RBFOX1: variants seen among roughly 807,000 people sequenced by gnomAD.
RBFOX1 encodes RNA binding fox-1 homolog 1, also known as RNA binding protein fox-1 homolog 1.
Under a neutral mutation model 57.7 loss-of-function variants are expected in RBFOX1, and 8 were observed. That is an observed-to-expected ratio of 0.14 (90% CI 0.08 to 0.25). The LOEUF (loss-of-function observed/expected upper bound fraction) is 0.25. Among genes scored for constraint, RBFOX1 ranks in the 10% least tolerant of loss-of-function variants. RBFOX1 has a pLI of 1.00. For missense variants in RBFOX1, 611 were observed against 548.5 expected (o/e 1.11, Z -1.14); for synonymous variants, 326 against 222.4 (o/e 1.47, Z -4.15).
intron 3 of RBFOX1, among the ~76,000 whole-genome samples, chr16:6,838,936 ATTTT>A (rs529600366): frequency 2.3e-4 from 34 of 148,226 alleles, no homozygotes; most frequent in Non-Finnish European, 4.1e-4. Context: ...CTGGTTTTTG[ATTTT>A]TTTTTTTAAG....
At chr16:6,982,607 C>T (rs557595752) in intron 3 of RBFOX1, among the ~76,000 whole-genome samples, 3 of 152,144 alleles carry the variant, frequency 2.0e-5, no homozygotes, top group African/African-American at 7.2e-5. Flanking sequence ...GTTGTTTGTA[C>T]CAGGAGCTGA....
chr16:5,450,506 C>A (rs1009509224), intron 1 of RBFOX1, among the ~76,000 whole-genome samples: 1 of 152,170 alleles, frequency 6.6e-6, no homozygotes, highest in Non-Finnish European at 1.5e-5. Context: ...GTGGGGCGGG[C>A]CTCTCTGGCA....
chr16:7,413,217 T>G (rs2098446713), intron 4 of RBFOX1, among the ~76,000 whole-genome samples: 1 of 152,076 alleles, frequency 6.6e-6, no homozygotes, highest in Non-Finnish European at 1.5e-5. Flanking sequence ...TGAGACACCT[T>G]GACATCACTA....
chr16:6,543,439 G>C (rs996461663), intron 2 of RBFOX1, among the ~76,000 whole-genome samples: 3 of 152,110 alleles, frequency 2.0e-5, no homozygotes, highest in Non-Finnish European at 4.4e-5. Flanking sequence ...AAGCCTGCTT[G>C]CAGAGGCATT....
chr16:7,039,499 T>C (rs1015819585), intron 3 of RBFOX1, among the ~76,000 whole-genome samples: 13 of 152,230 alleles, frequency 8.5e-5, no homozygotes, highest in South Asian at 4.1e-4. Context: ...ACTTGAGTCA[T>C]TGTTGTGACT....
intron 3 of RBFOX1, among the ~76,000 whole-genome samples, chr16:6,672,681 G>A (rs2098774189): frequency 6.6e-6 from 1 of 152,088 alleles, no homozygotes; most frequent in South Asian, 2.1e-4. Flanking sequence ...CACCCACCAT[G>A]ATTCCGCTTC....
chr16:7,051,590 C>T (rs763673654), intron 3 of RBFOX1, among the ~76,000 whole-genome samples: 3 of 152,226 alleles, frequency 2.0e-5, no homozygotes, highest in African/African-American at 7.2e-5. Flanking sequence ...TAAAATGTAA[C>T]CCAGTTGCCA....
intron 4 of RBFOX1, among the ~76,000 whole-genome samples, chr16:5,919,243 A>C (rs2058768956): frequency 6.6e-6 from 1 of 152,222 alleles, no homozygotes; most frequent in Non-Finnish European, 1.5e-5. Flanking sequence ...TATTTCTCTG[A>C]ATTAGCCCTG....
At chr16:7,667,849 T>A (rs538059926) in intron 13 of RBFOX1, among the ~76,000 whole-genome samples, 3 of 152,084 alleles carry the variant, frequency 2.0e-5, no homozygotes, top group Admixed American at 1.3e-4. Context: ...AATTTTTGTA[T>A]TTTTAGTAAA....
downstream of RBFOX1, among the ~76,000 whole-genome samples, chr16:5,602,282 C>G (rs1273355251): frequency 6.6e-6 from 1 of 152,120 alleles, no homozygotes; most frequent in Non-Finnish European, 1.5e-5. Context: ...CATCTTTGGT[C>G]TAGCAATTAC....
At chr16:5,435,700 A>G (rs569708279) in intron 1 of RBFOX1, among the ~76,000 whole-genome samples, 1 of 152,334 alleles carries the variant, frequency 6.6e-6, no homozygotes, top group East Asian at 1.9e-4. Flanking sequence ...TGTGATCTCA[A>G]GCTGCCATAT....
At chr16:6,052,804 T>TATA (rs200513769) in intron 1 of RBFOX1, among the ~76,000 whole-genome samples, 8,699 of 144,150 alleles carry the variant, frequency 0.06, 304 homozygotes, top group Middle Eastern at 0.11. Context: ...TAAAATAAAA[T>TATA]ATAATAATAA....
At chr16:7,212,669 G>T (rs554012250) in intron 4 of RBFOX1, among the ~76,000 whole-genome samples, 1 of 152,248 alleles carries the variant, frequency 6.6e-6, no homozygotes, top group South Asian at 2.1e-4. Context: ...TATTTGAGGA[G>T]TGTAGTTATT....
intron 3 of RBFOX1, among the ~76,000 whole-genome samples, chr16:6,995,529 C>A (rs572720534): frequency 2.8e-4 from 42 of 151,994 alleles, no homozygotes; most frequent in Non-Finnish European, 5.3e-4. Flanking sequence ...CTTTGGGAGG[C>A]CAAGGAGGGT....
At chr16:6,325,814 G>T (rs968866205) in intron 2 of RBFOX1, among the ~76,000 whole-genome samples, 3 of 152,148 alleles carry the variant, frequency 2.0e-5, no homozygotes, top group Non-Finnish European at 4.4e-5. Flanking sequence ...GGCCAGAATG[G>T]TTTTATTTTC....
chr16:7,651,179 G>C (rs116423831), intron 11 of RBFOX1, among the ~76,000 whole-genome samples: 1 of 152,172 alleles, frequency 6.6e-6, no homozygotes, highest in Non-Finnish European at 1.5e-5. Context: ...AGAAAGATGC[G>C]GTAGAATCCA....
intron 4 of RBFOX1, among the ~76,000 whole-genome samples, chr16:7,253,194 G>T (rs779190718): frequency 6.6e-6 from 1 of 152,154 alleles, no homozygotes; most frequent in African/African-American, 2.4e-5. Flanking sequence ...AAGAAGCAGA[G>T]ACCAAGACAA....
chr16:6,559,443 T>A (rs1020871486), intron 2 of RBFOX1, among the ~76,000 whole-genome samples: 3 of 152,088 alleles, frequency 2.0e-5, no homozygotes, highest in African/African-American at 7.2e-5. Flanking sequence ...CTCAGCACCA[T>A]CTTCTCTTTT....
chr16:7,090,555 G>A (rs1055992911), intron 4 of RBFOX1, among the ~76,000 whole-genome samples: 1 of 152,134 alleles, frequency 6.6e-6, no homozygotes, highest in Non-Finnish European at 1.5e-5. Flanking sequence ...CCATCATTTG[G>A]TGTCATCTCA....
Sources: allele counts gnomAD v4.1 joint callset (sites outside exome capture counted in the v4.1 genomes callset), GRCh38; gene constraint gnomAD v4.1.1; transcripts MANE v1.5; gene names NCBI Gene and HGNC (gene_info 2026-07-23, HGNC 2026-07-21).